Variants in HMCN2 observed in about 807,000 individuals in gnomAD.
The protein encoded by HMCN2 is hemicentin 2, also known as hemicentin-2.
In HMCN2, 325 loss-of-function variants were observed where a neutral mutation model predicts 377.5. The ratio of observed to expected loss-of-function variants is 0.86; its 90% CI spans 0.79 to 0.94. The LOEUF is 0.94. Ranked by LOEUF, HMCN2 falls within the 40% of genes least tolerant of loss-of-function variation. HMCN2 has a pLI of 0.00. For missense variants in HMCN2, 4,543 were observed against 4,725.3 expected (o/e 0.96, Z 1.13); for synonymous variants, 2,007 against 2,046.8 (o/e 0.98, Z 0.53).
At chr9:130,293,876 A>G (rs1835952257) in intron 4 of HMCN2, among the ~76,000 whole-genome samples, 1 of 152,152 alleles carries the variant, frequency 6.6e-6, no homozygotes, top group African/African-American at 2.4e-5. Flanking sequence ...GAGCCTTTTC[A>G]GGATTAGAGA....
intron 83 of HMCN2, among the ~76,000 whole-genome samples, chr9:130,408,164 G>C (rs2131740768): frequency 6.6e-6 from 1 of 152,274 alleles, no homozygotes; most frequent in African/African-American, 2.4e-5. Context: ...CACAACCTCA[G>C]GATGGGTGGG....
intron 59 of HMCN2, 145 bp downstream of exon 59, chr9:130,384,943 G>A (rs1012225348): frequency 1.3e-4 from 54 of 428,190 alleles, no homozygotes; most frequent in African/African-American, 1.0e-3. Context: ...CTCTGAGGAG[G>A]GGGAGCAGTG....
intron 22 of HMCN2, among the ~76,000 whole-genome samples, chr9:130,329,692 C>G (rs1838320597): frequency 2.0e-5 from 3 of 152,058 alleles, no homozygotes; most frequent in Admixed American, 1.3e-4. Flanking sequence ...GTCCACCCGC[C>G]TCGGTCTCCC....
At chr9:130,412,537 T>TTTTTC (rs796065683) in intron 85 of HMCN2, among the ~76,000 whole-genome samples, 135 of 151,072 alleles carry the variant, frequency 8.9e-4, no homozygotes, top group African/African-American at 2.9e-3. Context: ...TAAGGTCGTC[T>TTTTTC]TTTTCTTTTC....
In HMCN2 at chr9:130,430,491, C is replaced by A. The variant is rs760407756; in HGVS notation, c.14534C>A (p.Pro4845His). The change falls in exon 95 of 98, where the codon CCC (proline) becomes CAC (histidine). Residue 4845 changes from proline (P) to histidine (H), a missense_variant. Coordinates refer to ENST00000683500, the MANE Select transcript of HMCN2 (RefSeq NM_001291815.2). Reference sequence around the variant, plus strand: ...TGGCTGCGGCCCTGGGCCTCGATCCCCGGTACCTCCTACCACGCCTGGGTC... The same window carrying A: ...TGGCTGCGGCCCTGGGCCTCGATCCACGGTACCTCCTACCACGCCTGGGTC... ...LPWLRPWASI[P>H]GTSYHAWVSL... is the part of the protein sequence containing the mutation. The A allele has an allele frequency of 7.7e-5, 119 of 1,550,458 alleles. No homozygotes were observed. Among genetic ancestry groups the A allele is most frequent in the Non-Finnish European group, 1.0e-4 (116 of 1,146,954 alleles).
chr9:130,278,739 C>T (rs1834937160), intron 1 of HMCN2, among the ~76,000 whole-genome samples: 1 of 150,106 alleles, frequency 6.7e-6, no homozygotes, highest in East Asian at 2.0e-4. Context: ...TGCACCACCA[C>T]ACCCGGCTAA....
intron 84 of HMCN2, 52 bp from the exon 85 acceptor site, chr9:130,410,519 C>T (rs1843352766): frequency 1.3e-6 from 2 of 1,510,174 alleles, no homozygotes; most frequent in Admixed American, 3.9e-5. Context: ...CTGTCTGAGC[C>T]ACTCATCTTC....
At chr9:130,430,168 G>T (rs1013468871) in intron 94 of HMCN2, 116 bp from the exon 95 acceptor site, 3 of 843,166 alleles carry the variant, frequency 3.6e-6, no homozygotes, top group African/African-American at 1.7e-5. Context: ...ATGCAGCATG[G>T]GAGTGGCTGG....
chr9:130,344,393 T>C (rs933700898), intron 25 of HMCN2, among the ~76,000 whole-genome samples: 1 of 150,902 alleles, frequency 6.6e-6, no homozygotes, highest in Non-Finnish European at 1.5e-5. Context: ...GCATGTATGT[T>C]GTATAGTGTT....
rs1034230204 is a variant in HMCN2 at position 130,332,532 on chromosome 9, G to A, written c.3359+5057G>A. Among the ~76,000 whole-genome samples, 30 of 152,334 alleles carry A rather than the reference G, an allele frequency of 2.0e-4. No homozygotes were observed. In the East Asian group the frequency reaches 3.7e-3, roughly 19 times the overall value. On this transcript the variant is annotated intron_variant, in intron 22 of 97. Coordinates refer to ENST00000683500, the MANE Select transcript of HMCN2 (RefSeq NM_001291815.2). ...TCAATAGTTGACAGCTGTGGCTGGC[G>A]TCAGCACCATCCTCGTTAGCAGCAC...
Position 130,396,014 on chromosome 9 carries a change from GC to G in HMCN2, c.11005del (p.Arg3669AlafsTer28). ...TGACAGCGGCGACTACAGCTGCACA[GC>G]CCGCAACGCCGCAGGCAGCACTAGT... ...TADSGDYSCT[A>X]RNAAGSTSVA... On this transcript the variant is annotated frameshift_variant, in exon 72 of 98. Transcript: ENST00000683500. LOFTEE classifies it high-confidence loss of function. The G allele has an allele frequency of 7.8e-7, 1 of 1,287,440 alleles. No homozygotes were observed. 79.8% of individuals were successfully genotyped at this position (1,287,440 alleles called of 1,614,324 possible).
chr9:130,410,679 G>C (rs1429177403), intron 85 of HMCN2, 27 bp downstream of exon 85: 1 of 1,546,294 alleles, frequency 6.5e-7, no homozygotes, highest in Non-Finnish European at 8.7e-7. Context: ...GCAGAGTGGG[G>C]ACGTGGGAAG....
intron 85 of HMCN2, among the ~76,000 whole-genome samples, chr9:130,411,199 G>C (rs1326585580): frequency 6.6e-6 from 1 of 151,344 alleles, no homozygotes; most frequent in Non-Finnish European, 1.5e-5. Flanking sequence ...TCACTGTCCT[G>C]GATTCTGCCT....
rs1841906996 is a variant in HMCN2 at position 130,384,452 on chromosome 9, C to T, written c.8910C>T (p.Val2970=). 1 of 1,304,208 alleles carries T rather than the reference C, an allele frequency of 7.7e-7. No homozygotes were observed. Among genetic ancestry groups the T allele is most frequent in the African/African-American group, 1.5e-5 (1 of 65,982 alleles). 80.8% of individuals were successfully genotyped at this position (1,304,208 alleles called of 1,614,324 possible). ...LNSSVSLPCD[V]HAHPNPEVTW... ...GCAGCGTCTCCCTCCCTTGCGACGT[C>T]CACGCTCACCCAAACCCCGAGGTCA... Residue 2970 remains valine, a synonymous_variant, in exon 58 of 98, where the codon GTC becomes GTT. Coordinates refer to ENST00000683500, the MANE Select transcript of HMCN2 (RefSeq NM_001291815.2).
chr9:130,407,540 C>A, intron 82 of HMCN2, 31 bp from the exon 83 acceptor site: 1 of 1,288,028 alleles, frequency 7.8e-7, no homozygotes, highest in Non-Finnish European at 1.0e-6. Flanking sequence ...GCAGGAGTTC[C>A]CTGCACCCGA....
In HMCN2 at chr9:130,360,479, C is replaced by T. The variant is rs1840315781; in HGVS notation, c.5825C>T (p.Thr1942Ile). ...HQPVSSWMGV[T>I]VSVDGRVLRI... ...CCTGTCTCTTCATGGATGGGAGTGACAGTATCAGTGGATGGGAGAGTTCTC... is the reference window on the plus strand; with the variant it reads ...CCTGTCTCTTCATGGATGGGAGTGATAGTATCAGTGGATGGGAGAGTTCTC... The change falls in exon 38 of 98, where the codon ACA becomes ATA. Residue 1942 changes from threonine to isoleucine, a missense_variant. Thr to Ile is a moderately conservative substitution (Grantham distance 89). Transcript: ENST00000683500. The surrounding 1 kb of genome is among the most constrained non-coding windows in gnomAD (Gnocchi z 4.7). The T allele has an allele frequency of 7.7e-7, 1 of 1,303,996 alleles. No individual in the cohort carries two copies. The highest frequency in any genetic ancestry group is 1.0e-6 in the Non-Finnish European group (1 of 988,840). The allele number at this position is 1,303,996 out of a possible 1,614,324, so 80.8% of individuals were successfully genotyped here.
rs1459838629 is a variant in HMCN2, at chr9:130,304,598, G to A, written c.1544-132G>A. The A allele has an allele frequency of 1.1e-5, 4 of 359,570 alleles. No homozygotes were observed. Among genetic ancestry groups the A allele is most frequent in the Admixed American group, 3.5e-5 (1 of 28,890 alleles). 22.3% of individuals were successfully genotyped at this position (359,570 alleles called of 1,614,324 possible). On this transcript the variant is annotated intron_variant, in intron 10 of 97. Transcript: ENST00000683500. The surrounding 1 kb of genome is among the most constrained non-coding windows in gnomAD (Gnocchi z 4.3). ...TGCTGGTCACCCTATGCTGCTAGCT[G>A]ACATGTCCTGAATGATCTGGTTCGG...
chr9:130,338,826 A>G lies in HMCN2; in HGVS notation c.3487+805A>G, dbSNP rs1376442329. On this transcript the variant is annotated intron_variant, in intron 23 of 97. Coordinates refer to ENST00000683500, the MANE Select transcript of HMCN2 (RefSeq NM_001291815.2). Reference sequence around the variant, plus strand: ...GTGAAGAATGGCTTCCACTTTTTAAAATAATTGGACAAGCACAAAAAACCA... The same window carrying G: ...GTGAAGAATGGCTTCCACTTTTTAAGATAATTGGACAAGCACAAAAAACCA... 2.0e-5 allele frequency among the ~76,000 whole-genome samples: 3 copies of G among 152,262 alleles called. No individual in the cohort carries two copies. In the East Asian group the frequency reaches 5.8e-4, roughly 29 times the overall value.
At position 130,358,388 on chromosome 9, in the gene HMCN2, A is replaced by T; in HGVS notation, c.5581-2A>T. 7.7e-7 allele frequency: 1 copy of T among 1,304,204 alleles called. No individual in the cohort carries two copies. The highest frequency in any genetic ancestry group is 5.6e-5 in the East Asian group (1 of 18,008). The allele number at this position is 1,304,204 out of a possible 1,614,324, so 80.8% of individuals were successfully genotyped here. A position where few individuals can be genotyped will look rare whatever the true frequency, so the allele number is the denominator to read the frequency against. The stretch of plus-strand genomic sequence containing the variant: ...GCATACTCTCTGCCCCCTCCCCTCC[A>T]GATTGAGAAGGTGGACCTGAGGGAC... On this transcript the variant is annotated splice_acceptor_variant, in intron 35 of 97. Transcript: ENST00000683500. LOFTEE classifies it high-confidence loss of function.
Sources: gnomAD v4.1 joint callset for allele counts (sites outside exome capture counted in the v4.1 genomes callset) on GRCh38, gnomAD v4.1.1 for gene constraint, Gnocchi (gnomAD v3.1) non-coding constraint, MANE v1.5 for transcripts, NCBI Gene and HGNC (gene_info 2026-07-23, HGNC 2026-07-21) for gene names.